The following CCDC40 variants were observed in gnomAD, a reference collection of about 807,000 sequenced individuals.
CCDC40 encodes coiled-coil domain-containing protein 40.
A neutral mutation model predicts 124.5 loss-of-function variants in CCDC40; 104 were observed. The observed-to-expected ratio is 0.84, with a 90% CI of 0.71 to 0.98. The LOEUF is 0.98. Among genes scored for constraint, CCDC40 ranks in the 50% least tolerant of loss-of-function variants. The pLI is 0.00. For missense variants in CCDC40, 1,463 were observed against 1,503.9 expected, an observed-to-expected ratio of 0.97 and a Z score of 0.45; for synonymous variants, 580 against 602.9, an observed-to-expected ratio of 0.96 and a Z score of 0.56.
At position 80,065,571 on chromosome 17, in the gene CCDC40, C is replaced by T. The variant is rs1245224235; in HGVS notation, c.1527C>T (p.Arg509=). The change falls in exon 10 of 20, where the codon CGC becomes CGT. Residue 509 remains arginine (R), a synonymous_variant. Coordinates refer to ENST00000397545, the MANE Select transcript of CCDC40 (RefSeq NM_017950.4). ...WASSLVGMKH[R]DEAHRAVLEA... ...GCAGCCTGGTGGGCATGAAGCACCG[C>T]GACGAGGCGCACAGGGCGGTGCTGG... The T allele has an allele frequency of 1.9e-6, 3 of 1,612,782 alleles. No homozygotes were observed. Among genetic ancestry groups the T allele is most frequent in the East Asian group, 2.2e-5 (1 of 44,798 alleles).
At chr17:80,040,466 G>A in intron 3 of CCDC40, 196 bp downstream of exon 3, 1 of 609,420 alleles carries the variant, frequency 1.6e-6, no homozygotes, top group Admixed American at 2.9e-5. Context: ...GTCACCTGAG[G>A]TCAGGAGTTC....
In CCDC40 at chr17:80,085,003, A is replaced by AG; in HGVS notation, c.2235+18dup. 6.2e-7 allele frequency: 1 copy of AG among 1,612,870 alleles called. No homozygotes were observed. Among genetic ancestry groups the AG allele is most frequent in the Non-Finnish European group, 8.5e-7 (1 of 1,179,944 alleles). The stretch of plus-strand genomic sequence containing the variant: ...CCGAGCTGGGGGTGAGGTCCCAGGC[A>AG]GGGAGACGTGGTCCCCGGCTGACTG... On this transcript the variant is annotated intron_variant, in intron 13 of 19. Transcript: ENST00000397545.
Position 80,081,628 on chromosome 17 carries a change from G to A in CCDC40, c.1645G>A (p.Glu549Lys), listed in dbSNP as rs1414723148. Residue 549 changes from glutamate (E) to lysine (K), a missense_variant, in exon 11 of 20, where the codon GAG becomes AAG. Transcript: ENST00000397545. ...KSIMKEEEKN[E>K]KLASILNRTE... ...CATCATGAAGGAGGAAGAAAAGAACGAGAAGCTGGCGAGCATCCTGAACCG... is the reference window on the plus strand; with the variant it reads ...CATCATGAAGGAGGAAGAAAAGAACAAGAAGCTGGCGAGCATCCTGAACCG... The A allele has an allele frequency of 8.7e-6, 14 of 1,614,014 alleles. No homozygotes were observed. The highest frequency in any genetic ancestry group is 4.5e-5 in the East Asian group (2 of 44,894).
At position 80,058,624 on chromosome 17, in the gene CCDC40, C is replaced by T. The variant is rs985699206; in HGVS notation, c.1290C>T (p.Ile430=). The T allele has an allele frequency of 6.2e-7, 1 of 1,614,242 alleles. No individual in the cohort carries two copies. The highest frequency in any genetic ancestry group is 1.7e-5 in the Admixed American group (1 of 60,034). The part of the protein sequence containing the change: ...QVVKKAETER[I]RAEIEKKKQD... Reference sequence around the variant, plus strand: ...TAAAGAAGGCCGAGACGGAGAGGATCCGGGCAGAAATCGAGAAGAAAAAGC... The same window carrying T: ...TAAAGAAGGCCGAGACGGAGAGGATTCGGGCAGAAATCGAGAAGAAAAAGC... Residue 430 remains isoleucine (I), a synonymous_variant, in exon 8 of 20, where the codon ATC becomes ATT. Coordinates refer to ENST00000397545, the MANE Select transcript of CCDC40 (RefSeq NM_017950.4). This position sits in a 1 kb window ranked among gnomAD's most constrained non-coding sequence, Gnocchi z 4.2.
chr17:80,078,774 A>G (rs188229839), intron 10 of CCDC40, among the ~76,000 whole-genome samples: 11 of 152,276 alleles, frequency 7.2e-5, no homozygotes, highest in Admixed American at 7.2e-4. Flanking sequence ...TTTCCATTTA[A>G]ATTTTAAAAC....
chr17:80,099,497 G>A lies in CCDC40; in HGVS notation c.3181-30G>A, dbSNP rs911332575. The A allele has an allele frequency of 1.9e-6, 3 of 1,601,066 alleles. No individual in the cohort carries two copies. In the Admixed American group the frequency reaches 5.0e-5, roughly 27 times the overall value. On this transcript the variant is annotated intron_variant, in intron 19 of 19. Transcript: ENST00000397545. Reference sequence around the variant, plus strand: ...AGGTGTCTTTCTTCTGGTTTGCATAGCCCTATATGGAGTCTCTTTTCCTAC... The same window carrying A: ...AGGTGTCTTTCTTCTGGTTTGCATAACCCTATATGGAGTCTCTTTTCCTAC...
chr17:80,071,197 C>T (rs893694390), intron 10 of CCDC40, among the ~76,000 whole-genome samples: 2 of 152,260 alleles, frequency 1.3e-5, no homozygotes, highest in African/African-American at 4.8e-5. Context: ...TCACACACGC[C>T]TGGGACTTGG....
At chr17:80,078,986 T>A (rs1350049317) in intron 10 of CCDC40, among the ~76,000 whole-genome samples, 1 of 147,930 alleles carries the variant, frequency 6.8e-6, no homozygotes, top group Admixed American at 7.0e-5. Context: ...TGGGCTGGAG[T>A]GCAGCGGAAC....
In CCDC40 at chr17:80,097,462, G is replaced by T. The variant is rs2038831566; in HGVS notation, c.3180+59G>T. The T allele has an allele frequency of 2.7e-5, 42 of 1,584,378 alleles. No individual in the cohort carries two copies. The South Asian group carries it at 4.6e-4, about 17-fold the overall frequency. ...GGCCATGGAACATGCCACTCACACA[G>T]AGGTCCTGCGTCCCCTCTGTGCGAG... On this transcript the variant is annotated intron_variant, in intron 19 of 19. Transcript: ENST00000397545.
rs2037818859 is a variant in CCDC40, at chr17:80,058,778, C to T, written c.1318-80C>T. On this transcript the variant is annotated intron_variant, in intron 8 of 19. Coordinates refer to ENST00000397545, the MANE Select transcript of CCDC40 (RefSeq NM_017950.4). This position sits in a 1 kb window ranked among gnomAD's most constrained non-coding sequence, Gnocchi z 4.2. Reference sequence around the variant, plus strand: ...TGGCGGCCGGCCTGGGTGGCGTCAACTTGTATCAAGGGTTGGTGGAGAACA... The same window carrying T: ...TGGCGGCCGGCCTGGGTGGCGTCAATTTGTATCAAGGGTTGGTGGAGAACA... The T allele has an allele frequency of 1.2e-6, 2 of 1,610,858 alleles. No individual in the cohort carries two copies. Among genetic ancestry groups the T allele is most frequent in the East Asian group, 4.5e-5 (2 of 44,856 alleles).
At chr17:80,063,088 G>A (rs949495904) in intron 9 of CCDC40, among the ~76,000 whole-genome samples, 5 of 152,144 alleles carry the variant, frequency 3.3e-5, no homozygotes, top group Non-Finnish European at 7.4e-5. Context: ...GCAGCTGTTC[G>A]GGAGACTGAG....
At chr17:80,062,105 C>T (rs991932263) in intron 9 of CCDC40, among the ~76,000 whole-genome samples, 10 of 151,486 alleles carry the variant, frequency 6.6e-5, no homozygotes, top group African/African-American at 2.4e-4. Flanking sequence ...GTGAAACCCC[C>T]GTCTCTAAAG....
chr17:80,037,682 T>TAAA (rs1423212184), intron 1 of CCDC40, among the ~76,000 whole-genome samples: 164 of 96,158 alleles, frequency 1.7e-3, no homozygotes, highest in South Asian at 0.013. Flanking sequence ...CTTTAATTTT[T>TAAA]TAAAAAAGAT....
At chr17:80,085,666 CTTTTTTT>C (rs5822324) in intron 13 of CCDC40, among the ~76,000 whole-genome samples, 1 of 110,012 alleles carries the variant, frequency 9.1e-6, no homozygotes, top group African/African-American at 3.6e-5. Context: ...GCTAATTTTG[CTTTTTTT>C]TTTTTTTTTT....
At chr17:80,061,873 A>T (rs1175738670) in intron 9 of CCDC40, among the ~76,000 whole-genome samples, 1 of 152,108 alleles carries the variant, frequency 6.6e-6, no homozygotes, top group East Asian at 1.9e-4. Context: ...CCCTAACCCT[A>T]ACCCCGCACC....
chr17:80,099,346 G>A (rs900719250), intron 19 of CCDC40, among the ~76,000 whole-genome samples, 181 bp from the exon 20 acceptor site: 5 of 151,266 alleles, frequency 3.3e-5, no homozygotes, highest in African/African-American at 9.7e-5. Flanking sequence ...ATAAAGCACC[G>A]ACCCAGTGCC....
At chr17:80,046,656 G>A (rs951678064) in intron 3 of CCDC40, among the ~76,000 whole-genome samples, 9 of 152,024 alleles carry the variant, frequency 5.9e-5, no homozygotes, top group African/African-American at 1.7e-4. Flanking sequence ...CATGCTGAGC[G>A]CCTCGAGGAT....
At chr17:80,077,627 G>A (rs1272114268) in intron 10 of CCDC40, among the ~76,000 whole-genome samples, 2 of 152,200 alleles carry the variant, frequency 1.3e-5, no homozygotes, top group African/African-American at 2.4e-5. Context: ...CCACATCCTC[G>A]CCAACATTTG....
In CCDC40 at chr17:80,048,637, T is replaced by C; in HGVS notation, c.731T>C (p.Phe244Ser). 6.2e-7 allele frequency: 1 copy of C among 1,613,938 alleles called. No individual in the cohort carries two copies. The highest frequency in any genetic ancestry group is 1.1e-5 in the South Asian group (1 of 91,072). ...CCCAGGGAAGGAGACCTGCCAGTGTTCCAGGACCAGATCCAGCAGCCCAGC... is the reference window on the plus strand; with the variant it reads ...CCCAGGGAAGGAGACCTGCCAGTGTCCCAGGACCAGATCCAGCAGCCCAGC... ...AHPREGDLPV[F>S]QDQIQQPSTE... Residue 244 changes from phenylalanine to serine, a missense_variant, in exon 5 of 20, where the codon TTC (phenylalanine) becomes TCC (serine). Coordinates refer to ENST00000397545, the MANE Select transcript of CCDC40 (RefSeq NM_017950.4).
Sources: allele counts gnomAD v4.1 joint callset (sites outside exome capture counted in the v4.1 genomes callset), GRCh38; gene constraint gnomAD v4.1.1; non-coding constraint Gnocchi (gnomAD v3.1); transcripts MANE v1.5; gene names NCBI Gene and HGNC (gene_info 2026-07-23, HGNC 2026-07-21).